The following FGF13 variants were observed in gnomAD, a reference collection of about 807,000 sequenced individuals.
FGF13 encodes fibroblast growth factor homologous factor 2.
In FGF13, 2 loss-of-function variants were observed where a neutral mutation model predicts 19.5. The observed-to-expected ratio is 0.10, with a 90% CI of 0.04 to 0.32. FGF13 has a LOEUF of 0.32. Among genes scored for constraint, FGF13 ranks in the 10% least tolerant of loss-of-function variants. FGF13 has a pLI of 1.00. For synonymous variants in FGF13, 72 were observed against 76.9 expected (o/e 0.94, Z 0.33); for missense variants, 113 against 192.7 (o/e 0.59, Z 2.45).
chrX:138,770,801 T>C lies in FGF13; in HGVS notation c.218-61873A>G, dbSNP rs186849076. ...GAGTCTACTGCCTTCATGCAAATTA[T>C]ATAAAAAGGCACCAGCTCGGAGGAG... On this transcript the variant is annotated intron_variant, in intron 3 of 6. Coordinates refer to the FGF13 transcript ENST00000436198. Among the ~76,000 whole-genome samples, 6 of 111,662 alleles carry C rather than the reference T, an allele frequency of 5.4e-5. 1 individual carries two copies. The highest frequency in any genetic ancestry group is 9.4e-5 in the Non-Finnish European group (5 of 53,168).
chrX:138,859,325 CT>C (rs2091276229), intron 2 of FGF13, among the ~76,000 whole-genome samples: 1 of 111,801 alleles, frequency 8.9e-6, no homozygotes, highest in East Asian at 2.8e-4. Context: ...TTAAATAAAA[CT>C]CCCCAAATTG....
In FGF13 at chrX:139,164,721, AAATG is replaced by A. The variant is rs71713283; in HGVS notation, c.-113+38691_-113+38694del. ...TAAATAAATAAATAAATAAATAAAT[AAATG>A]AATGGAGAATTCTATTAAAAAATAC... On this transcript the variant is annotated intron_variant, in intron 1 of 2. Coordinates refer to the FGF13 transcript ENST00000421460. 9.8e-3 allele frequency among the ~76,000 whole-genome samples: 1,068 copies of A among 109,281 alleles called. 17 individuals carry two copies. Among genetic ancestry groups the A allele is most frequent in the African/African-American group, 0.035 (1,024 of 29,342 alleles). 94.9% of individuals were successfully genotyped at this position (109,281 alleles called of 115,157 possible).
intron 1 of FGF13, among the ~76,000 whole-genome samples, chrX:138,997,153 C>T (rs777732987): frequency 8.9e-5 from 10 of 111,941 alleles, no homozygotes; most frequent in Admixed American, 1.9e-4. Context: ...AAAAGGACAT[C>T]CACACCAAAA....
intron 1 of FGF13, among the ~76,000 whole-genome samples, chrX:139,183,272 C>A (rs1872613469): frequency 8.9e-6 from 1 of 112,270 alleles, no homozygotes; most frequent in Admixed American, 9.4e-5. Context: ...CTCCTCAATA[C>A]AGAATCAACT....
At chrX:138,844,299 A>C (rs1206484445) in intron 3 of FGF13, among the ~76,000 whole-genome samples, 2 of 112,208 alleles carry the variant, frequency 1.8e-5, no homozygotes, top group Admixed American at 1.9e-4. Flanking sequence ...CTACATTCAA[A>C]AGGATAAACA....
At chrX:139,036,784 G>T (rs763859835) in intron 1 of FGF13, among the ~76,000 whole-genome samples, 79 of 111,421 alleles carry the variant, frequency 7.1e-4, no homozygotes, top group African/African-American at 2.5e-3. Flanking sequence ...ATCTTACATG[G>T]ATGGCAGCAG....
chrX:139,089,915 T>C (rs997491706), intron 1 of FGF13, among the ~76,000 whole-genome samples: 5 of 111,288 alleles, frequency 4.5e-5, no homozygotes, highest in African/African-American at 1.6e-4. Flanking sequence ...CATAACTCAC[T>C]GCGGCCTTGA....
At chrX:138,764,146 G>A (rs2124333841) in intron 3 of FGF13, among the ~76,000 whole-genome samples, 1 of 111,781 alleles carries the variant, frequency 8.9e-6, no homozygotes, top group Non-Finnish European at 1.9e-5. Context: ...GGAACTATGA[G>A]AAGAATCCAG....
chrX:138,806,403 G>A (rs951952279), intron 3 of FGF13: 5 of 111,548 alleles, frequency 4.5e-5, no homozygotes, highest in African/African-American at 9.8e-5. Flanking sequence ...AAATTCAGAC[G>A]CTAAAGGTGG....
intron 1 of FGF13, among the ~76,000 whole-genome samples, chrX:139,147,112 TATA>T (rs1670033764): frequency 9.2e-6 from 1 of 108,778 alleles, no homozygotes; most frequent in African/African-American, 3.4e-5. Context: ...GAACTTAAAG[TATA>T]ATAATAATAA....
intron 1 of FGF13, among the ~76,000 whole-genome samples, chrX:138,722,300 A>G (rs1387924544): frequency 1.8e-5 from 2 of 111,655 alleles, no homozygotes; most frequent in Admixed American, 9.6e-5. Flanking sequence ...TGACCTCACA[A>G]AGCAAACAGC....
intron 1 of FGF13, among the ~76,000 whole-genome samples, chrX:139,125,404 A>C (rs2083708219): frequency 8.9e-6 from 1 of 112,224 alleles, no homozygotes; most frequent in South Asian, 3.7e-4. Context: ...CATTCACTTA[A>C]AAATAATTAG....
At chrX:138,634,219 G>T (rs1443494273) in intron 4 of FGF13, among the ~76,000 whole-genome samples, 3 of 111,284 alleles carry the variant, frequency 2.7e-5, no homozygotes, top group Admixed American at 1.9e-4. Context: ...TTTTGAAACG[G>T]AGTCTCACTC....
At chrX:139,014,670 C>T (rs905627270) in intron 1 of FGF13, among the ~76,000 whole-genome samples, 4 of 111,239 alleles carry the variant, frequency 3.6e-5, no homozygotes. Flanking sequence ...CCTACCCAAA[C>T]TATTCTAAAA....
chrX:139,139,776 G>A (rs1226026825), intron 1 of FGF13, among the ~76,000 whole-genome samples: 7 of 111,646 alleles, frequency 6.3e-5, no homozygotes, highest in Admixed American at 2.9e-4. Context: ...AAAGCATACC[G>A]TAAGAGAAAA....
At chrX:138,969,984 T>G (rs2091909067) in intron 1 of FGF13, among the ~76,000 whole-genome samples, 1 of 111,831 alleles carries the variant, frequency 8.9e-6, no homozygotes, top group Admixed American at 9.5e-5. Flanking sequence ...TGTGTGTGCA[T>G]GTACACACCC....
intron 3 of FGF13, among the ~76,000 whole-genome samples, chrX:138,841,847 C>G (rs2091151867): frequency 9.0e-6 from 1 of 111,057 alleles, no homozygotes; most frequent in Non-Finnish European, 1.9e-5. Flanking sequence ...GACTTGCTGA[C>G]AGTGTAAAGG....
intron 3 of FGF13, among the ~76,000 whole-genome samples, chrX:138,681,425 C>T (rs917977406): frequency 4.4e-5 from 5 of 112,443 alleles, no homozygotes; most frequent in African/African-American, 1.6e-4. Context: ...TAGAGCCTTG[C>T]CCTAGATTAG....
intron 1 of FGF13, among the ~76,000 whole-genome samples, chrX:139,024,064 A>C (rs1603135289): frequency 1.8e-5 from 2 of 111,164 alleles, no homozygotes; most frequent in South Asian, 7.7e-4. Context: ...AGGTCCATTA[A>C]AACAATTTTT....
Sources: allele counts gnomAD v4.1 joint callset (sites outside exome capture counted in the v4.1 genomes callset), GRCh38; gene constraint gnomAD v4.1.1; transcripts MANE v1.5; gene names NCBI Gene and HGNC (gene_info 2026-07-23, HGNC 2026-07-21).